The following CCDC7 variants were observed in gnomAD, a reference collection of about 807,000 sequenced individuals.
CCDC7 encodes coiled-coil domain-containing protein 7.
In CCDC7, 183 loss-of-function variants were observed where a neutral mutation model predicts 196.9. That is an observed-to-expected ratio of 0.93 (90% CI 0.82 to 1.05). CCDC7 has a LOEUF of 1.05. CCDC7 is among the 50% of genes least tolerant of loss of function. CCDC7 has a pLI of 0.00. For synonymous variants in CCDC7, 525 were observed against 484.6 expected (o/e 1.08, Z -1.10); for missense variants, 1,540 against 1,482.2 (o/e 1.04, Z -0.64).
At chr10:32,681,597 C>G (rs2075855440) in intron 21 of CCDC7, among the ~76,000 whole-genome samples, 1 of 152,122 alleles carries the variant, frequency 6.6e-6, no homozygotes, top group Admixed American at 6.5e-5. Flanking sequence ...GTACACAAAT[C>G]TTACCTCAAG....
intron 9 of CCDC7, among the ~76,000 whole-genome samples, chr10:32,508,935 T>TG (rs1454181696): frequency 3.8e-5 from 5 of 132,040 alleles, no homozygotes; most frequent in African/African-American, 7.6e-5. Flanking sequence ...GCCTGGCATT[T>TG]TTTTTTTTTT....
At chr10:32,847,727 GGAAAA>G (rs1444428959) in intron 37 of CCDC7, 101 bp from the exon 39 acceptor site, 22 of 681,550 alleles carry the variant, frequency 3.2e-5, no homozygotes, top group Non-Finnish European at 4.8e-5. Context: ...AAAAAAAAAA[GGAAAA>G]GAAAAGAAAA....
At position 32,729,216 on chromosome 10, in the gene CCDC7, A is replaced by C. The variant is rs2083552422; in HGVS notation, c.2780-116A>C. 2.5e-5 allele frequency: 27 copies of C among 1,077,370 alleles called. No homozygotes were observed. In the South Asian group the frequency reaches 4.3e-4, roughly 17 times the overall value. The allele number at this position is 1,077,370 out of a possible 1,614,324, so 66.7% of individuals were successfully genotyped here. ...TTATAAGTAGTATCACTGCCTCCAC[A>C]CATGCTCATGAAAACTATTCACATG... is the stretch of plus-strand genomic sequence containing the variant. On this transcript the variant is annotated intron_variant, in intron 27 of 41. Transcript: ENST00000639629.
chr10:32,616,425 G>T (rs2062776292), intron 18 of CCDC7, among the ~76,000 whole-genome samples: 1 of 151,788 alleles, frequency 6.6e-6, no homozygotes, highest in African/African-American at 2.4e-5. Flanking sequence ...TAGCCATTGT[G>T]AATGGGAATG....
intron 8 of CCDC7, among the ~76,000 whole-genome samples, chr10:32,483,769 T>G (rs2040447766): frequency 6.6e-6 from 1 of 152,230 alleles, no homozygotes; most frequent in Admixed American, 6.5e-5. Context: ...TCCCCATTTC[T>G]TGTTTTTCTC....
chr10:32,491,683 T>G (rs2042176409), intron 8 of CCDC7, among the ~76,000 whole-genome samples: 1 of 152,148 alleles, frequency 6.6e-6, no homozygotes, highest in Non-Finnish European at 1.5e-5. Context: ...TATGACAGTA[T>G]CTTATTTTTT....
intron 32 of CCDC7, among the ~76,000 whole-genome samples, chr10:32,827,329 C>T (rs1197131506): frequency 1.3e-5 from 2 of 152,138 alleles, no homozygotes; most frequent in Admixed American, 6.6e-5. Context: ...CACCATTCCT[C>T]GGTACCTGGT....
At chr10:32,715,809 A>T (rs1418875832) in intron 25 of CCDC7, among the ~76,000 whole-genome samples, 2 of 152,214 alleles carry the variant, frequency 1.3e-5, no homozygotes, top group African/African-American at 4.8e-5. Context: ...TCCAAGATTG[A>T]AGATCAACTT....
At chr10:32,815,063 C>CCAA (rs908516387) in intron 31 of CCDC7, among the ~76,000 whole-genome samples, 21 of 152,116 alleles carry the variant, frequency 1.4e-4, no homozygotes, top group African/African-American at 4.3e-4. Flanking sequence ...CACCCCACCA[C>CCAA]CAACAACAAC....
chr10:32,744,485 T>G (rs2484733), intron 28 of CCDC7, among the ~76,000 whole-genome samples: 149,897 of 152,300 alleles, frequency 0.98, 73,806 homozygotes, highest in Middle Eastern at 1. Context: ...TTTCTGCATT[T>G]ATGTCAGTTT....
chr10:32,635,959 T>A (rs541828165), intron 20 of CCDC7, among the ~76,000 whole-genome samples: 15 of 152,318 alleles, frequency 9.8e-5, no homozygotes, highest in African/African-American at 1.7e-4. Context: ...TACTCTTCTT[T>A]ATGCCCTATT....
At chr10:32,674,569 T>G (rs1176406948) in intron 21 of CCDC7, among the ~76,000 whole-genome samples, 1 of 152,094 alleles carries the variant, frequency 6.6e-6, no homozygotes, top group African/African-American at 2.4e-5. Flanking sequence ...TGCTTTTGGA[T>G]GGAATGTTCT....
At chr10:32,675,585 A>G (rs930586204) in intron 21 of CCDC7, 2 of 152,368 alleles carry the variant, frequency 1.3e-5, no homozygotes, top group African/African-American at 2.4e-5. Flanking sequence ...CTGATTATCA[A>G]TATGTTTACT....
intron 24 of CCDC7, among the ~76,000 whole-genome samples, chr10:32,703,301 T>C (rs889378315): frequency 2.0e-5 from 3 of 152,104 alleles, no homozygotes; most frequent in Non-Finnish European, 2.9e-5. Context: ...TATGAAATTC[T>C]GAGTTGAAAA....
intron 18 of CCDC7, among the ~76,000 whole-genome samples, chr10:32,626,343 G>T (rs1190081909): frequency 1.3e-5 from 2 of 151,782 alleles, no homozygotes; most frequent in Admixed American, 1.3e-4. Context: ...AAATATATAT[G>T]TTTTCCATTT....
intron 25 of CCDC7, among the ~76,000 whole-genome samples, chr10:32,720,594 G>A (rs1244472594): frequency 6.6e-6 from 1 of 151,994 alleles, no homozygotes; most frequent in Non-Finnish European, 1.5e-5. Flanking sequence ...AAAGACAACT[G>A]GGGGCTAAGG....
At chr10:32,666,597 A>G (rs1036940713) in intron 21 of CCDC7, among the ~76,000 whole-genome samples, 5 of 143,540 alleles carry the variant, frequency 3.5e-5, no homozygotes, top group African/African-American at 1.3e-4. Context: ...TCATTGTTCA[A>G]TTCCTACCTA....
intron 13 of CCDC7, among the ~76,000 whole-genome samples, chr10:32,561,426 A>C (rs2055599259): frequency 6.6e-6 from 1 of 152,238 alleles, no homozygotes; most frequent in Non-Finnish European, 1.5e-5. Flanking sequence ...CAAATGTAAA[A>C]GAACAGAAAT....
At position 32,748,607 on chromosome 10, in the gene CCDC7, A is replaced by G. The variant is rs115387650; in HGVS notation, c.2905+19150A>G. Among the ~76,000 whole-genome samples, 664 of 149,188 alleles carry G rather than the reference A, an allele frequency of 4.5e-3. 4 individuals are homozygous for G. Among genetic ancestry groups the G allele is most frequent in the African/African-American group, 0.017 (644 of 38,692 alleles). On this transcript the variant is annotated intron_variant, in intron 28 of 41. Coordinates refer to ENST00000639629, the Ensembl canonical transcript of CCDC7. ...ATTTTGTGGCGAATAAGTATGAGGGAAAAAAAGTCTTCTATAATCTTATGG... is the reference window on the plus strand; with the variant it reads ...ATTTTGTGGCGAATAAGTATGAGGGGAAAAAAGTCTTCTATAATCTTATGG...
Sources: gnomAD v4.1 joint callset for allele counts (sites outside exome capture counted in the v4.1 genomes callset) on GRCh38, gnomAD v4.1.1 for gene constraint, MANE v1.5 for transcripts, NCBI Gene and HGNC (gene_info 2026-07-23, HGNC 2026-07-21) for gene names.